The following PIP4P2 variants were observed in gnomAD, a reference collection of about 807,000 sequenced individuals.
PIP4P2 encodes the protein type 2 phosphatidylinositol 4,5-bisphosphate 4-phosphatase.
Under a neutral mutation model 33.3 loss-of-function variants are expected in PIP4P2, and 19 were observed. The observed-to-expected ratio is 0.57, with a 90% CI of 0.40 to 0.84. The LOEUF is 0.84. Ranked by LOEUF, PIP4P2 falls within the 40% of genes least tolerant of loss-of-function variation. PIP4P2 has a pLI of 0.00. For missense variants in PIP4P2, 270 were observed against 324.7 expected (o/e 0.83, Z 1.29); for synonymous variants, 110 against 111.9 (o/e 0.98, Z 0.11).
At chr8:91,025,686 T>C (rs1456362158) in intron 1 of PIP4P2, among the ~76,000 whole-genome samples, 1 of 152,176 alleles carries the variant, frequency 6.6e-6, no homozygotes, top group Non-Finnish European at 1.5e-5. Context: ...ATGAGAGATA[T>C]TTTACGATTA....
chr8:91,032,932 C>T (rs1283123097), intron 1 of PIP4P2, among the ~76,000 whole-genome samples: 4 of 152,080 alleles, frequency 2.6e-5, no homozygotes, highest in Non-Finnish European at 5.9e-5. Context: ...TAGTTATGAA[C>T]ATCCCTCCTG....
chr8:90,997,567 T>A (rs931554169), intron 5 of PIP4P2, among the ~76,000 whole-genome samples: 1 of 152,076 alleles, frequency 6.6e-6, no homozygotes, highest in Non-Finnish European at 1.5e-5. Flanking sequence ...ATTCACCCTC[T>A]CTGTATCTAA....
chr8:91,032,018 C>T (rs1267445198), intron 1 of PIP4P2, among the ~76,000 whole-genome samples: 1 of 151,988 alleles, frequency 6.6e-6, no homozygotes, highest in Non-Finnish European at 1.5e-5. Flanking sequence ...CATAATGCAC[C>T]ACTCCTTGGA....
At chr8:91,018,288 T>C in intron 4 of PIP4P2, 102 bp downstream of exon 4, 1 of 1,530,788 alleles carries the variant, frequency 6.5e-7, no homozygotes, top group Non-Finnish European at 8.8e-7. Flanking sequence ...AATATTTTGA[T>C]TAATTTGCAT....
At chr8:91,001,620 T>C (rs1438784375) in intron 5 of PIP4P2, among the ~76,000 whole-genome samples, 1 of 152,080 alleles carries the variant, frequency 6.6e-6, no homozygotes, top group Non-Finnish European at 1.5e-5. Flanking sequence ...TAAATAGTCT[T>C]ACATGTTTTC....
At chr8:91,027,057 C>T (rs1012929312) in intron 1 of PIP4P2, among the ~76,000 whole-genome samples, 2 of 152,146 alleles carry the variant, frequency 1.3e-5, no homozygotes, top group African/African-American at 4.8e-5. Context: ...TCTATCTTAA[C>T]CTTAAAAGTA....
At chr8:91,013,043 TTC>T (rs1387385215) in intron 4 of PIP4P2, among the ~76,000 whole-genome samples, 2 of 152,172 alleles carry the variant, frequency 1.3e-5, no homozygotes, top group Non-Finnish European at 2.9e-5. Context: ...CTTTATGCTA[TTC>T]TTGACTATCA....
chr8:91,029,826 G>C (rs1812135714), intron 1 of PIP4P2, among the ~76,000 whole-genome samples: 1 of 152,110 alleles, frequency 6.6e-6, no homozygotes, highest in Non-Finnish European at 1.5e-5. Flanking sequence ...AATTAGCCGG[G>C]CGTGGTGGCG....
chr8:91,040,537 G>C (rs1167825777), intron 1 of PIP4P2, 107 bp downstream of exon 1: 9 of 1,301,948 alleles, frequency 6.9e-6, no homozygotes, highest in Admixed American at 5.8e-5. Flanking sequence ...GCCCAAGCGA[G>C]AGGCTCACCT....
chr8:91,019,395 C>CAAAAA (rs71510466), intron 3 of PIP4P2, among the ~76,000 whole-genome samples: 9 of 19,698 alleles, frequency 4.6e-4, no homozygotes, highest in African/African-American at 1.7e-3. Flanking sequence ...CCTGTCTCTA[C>CAAAAA]AAAAAAAAAA....
At chr8:90,998,138 CA>C (rs1167635687) in intron 5 of PIP4P2, among the ~76,000 whole-genome samples, 1 of 152,046 alleles carries the variant, frequency 6.6e-6, no homozygotes, top group Admixed American at 6.6e-5. Flanking sequence ...TTATACATCA[CA>C]TCTGGTTGTT....
At position 90,999,077 on chromosome 8, in the gene PIP4P2, A is replaced by C. The variant is rs554907034; in HGVS notation, c.540-2333T>G. Among the ~76,000 whole-genome samples the C allele has an allele frequency of 7.2e-5, 11 of 152,200 alleles. No homozygotes were observed. The East Asian group carries it at 1.4e-3, about 19-fold the overall frequency. On this transcript the variant is annotated intron_variant, in intron 5 of 6. Coordinates refer to ENST00000285419, the MANE Select transcript of PIP4P2 (RefSeq NM_018710.3). ...ATAAGAACTTAAACAAGAAAAAAAA[A>C]CCAGCCCATTAAAAAGTGGGCAAAG...
In PIP4P2 at chr8:91,040,825, C is replaced by CCG. The variant is rs1295089320; in HGVS notation, c.-77_-76insCG. ...GGCGGAGTGGTGGCTACTGCTGCTG[C>CCG]CTCTGCTGCCGCTGCTGCCGCTGCA... On this transcript the variant is annotated 5_prime_UTR_variant, in exon 1 of 7. Transcript: ENST00000285419. The CCG allele has an allele frequency of 1.6e-5, 22 of 1,350,970 alleles. No individual in the cohort carries two copies. In the African/African-American group the frequency reaches 2.9e-4, roughly 18 times the overall value. The allele number at this position is 1,350,970 out of a possible 1,614,324, so 83.7% of individuals were successfully genotyped here.
chr8:91,024,350 T>G (rs780474964), intron 1 of PIP4P2: 8 of 440,110 alleles, frequency 1.8e-5, no homozygotes, highest in South Asian at 8.1e-5. Context: ...ATTCTGGAGA[T>G]TCCACAGTTA....
chr8:91,012,311 A>G (rs1811848730), intron 4 of PIP4P2, among the ~76,000 whole-genome samples: 1 of 151,900 alleles, frequency 6.6e-6, no homozygotes, highest in Non-Finnish European at 1.5e-5. Flanking sequence ...ACTTATCTCA[A>G]TTGCTTTTAG....
chr8:91,001,809 T>C (rs1432361696), intron 5 of PIP4P2, among the ~76,000 whole-genome samples: 1 of 152,054 alleles, frequency 6.6e-6, no homozygotes, highest in African/African-American at 2.4e-5. Flanking sequence ...TTTTGGCAGA[T>C]CTCAATATAA....
At chr8:91,024,338 T>C (rs1443116645) in intron 1 of PIP4P2, 2 of 440,952 alleles carry the variant, frequency 4.5e-6, no homozygotes, top group Admixed American at 4.7e-5. Context: ...ATGGGACTTG[T>C]AATTCTGGAG....
intron 5 of PIP4P2, 83 bp from the exon 6 acceptor site, chr8:90,996,827 G>T: frequency 2.8e-6 from 3 of 1,073,656 alleles, no homozygotes; most frequent in Non-Finnish European, 4.1e-6. Context: ...CTTATCTATG[G>T]CTTTAGTAAT....
At chr8:91,011,299 C>T (rs1219203935) in intron 4 of PIP4P2, among the ~76,000 whole-genome samples, 1 of 151,980 alleles carries the variant, frequency 6.6e-6, no homozygotes, top group Non-Finnish European at 1.5e-5. Context: ...TCTGGATATG[C>T]CTTTTACCAG....
Sources: gnomAD v4.1 joint callset for allele counts (sites outside exome capture counted in the v4.1 genomes callset) on GRCh38, gnomAD v4.1.1 for gene constraint, MANE v1.5 for transcripts, NCBI Gene and HGNC (gene_info 2026-07-23, HGNC 2026-07-21) for gene names.